Variants in RADIL observed in about 807,000 individuals in gnomAD.
The protein encoded by RADIL is Rap associating with DIL domain, also known as ras-associating and dilute domain-containing protein.
RADIL carries 99 observed loss-of-function variants against 97.6 expected under a neutral mutation model. The observed-to-expected ratio is 1.01, with a 90% CI of 0.86 to 1.20. RADIL has a LOEUF of 1.20. Ranked by LOEUF, RADIL falls within the 50% of genes most tolerant of loss-of-function variation. The pLI is 0.00. For synonymous variants in RADIL, 803 were observed against 691.8 expected (o/e 1.16, Z -2.52); for missense variants, 1,765 against 1,498.9 (o/e 1.18, Z -2.93).
intron 11 of RADIL, among the ~76,000 whole-genome samples, 192 bp from the exon 12 acceptor site, chr7:4,802,187 C>G (rs1050955329): frequency 6.6e-6 from 1 of 152,168 alleles, no homozygotes; most frequent in African/African-American, 2.4e-5. Context: ...GCACAGCCTG[C>G]GCTGGGCCAG....
At position 4,837,554 on chromosome 7, in the gene RADIL, C is replaced by T. The variant is rs547518761; in HGVS notation, c.536-949G>A. Among the ~76,000 whole-genome samples the T allele has an allele frequency of 5.9e-5, 9 of 152,288 alleles. No homozygotes were observed. The East Asian group carries it at 1.2e-3, about 20-fold the overall frequency. The stretch of plus-strand genomic sequence containing the variant: ...CAAAGCAGGCACACACACAAACACA[C>T]GTGTGCATACACATGCCCACAAATA... On this transcript the variant is annotated intron_variant, in intron 2 of 14. Transcript: ENST00000399583. The surrounding 1 kb of genome is among the most constrained non-coding windows in gnomAD (Gnocchi z 5.6).
intron 2 of RADIL, among the ~76,000 whole-genome samples, chr7:4,852,226 T>C (rs1783726418): frequency 6.6e-6 from 1 of 152,026 alleles, no homozygotes; most frequent in Admixed American, 6.6e-5. Context: ...AGACAGGAAG[T>C]GGCTGATAGA....
chr7:4,803,402 G>A (rs1782181488), intron 11 of RADIL, 144 bp downstream of exon 11: 3 of 669,204 alleles, frequency 4.5e-6, no homozygotes, highest in Non-Finnish European at 6.8e-6. Context: ...GCACCTCGGG[G>A]CACACTGGCT....
intron 2 of RADIL, among the ~76,000 whole-genome samples, chr7:4,855,620 TAAAAAAAA>T (rs760588803): frequency 0.037 from 3,289 of 88,154 alleles, 143 homozygotes; most frequent in African/African-American, 0.11. Context: ...TTTATTTTTG[TAAAAAAAA>T]AAAAAAAAAA....
In RADIL at chr7:4,880,619, C is replaced by T. The variant is rs918991660; in HGVS notation, c.-64-2416G>A. ...CAGGCAGCACACACTGGCAGAGGGT[C>T]GGCCACCACCTTTTCATAGTGCTCA... is the stretch of plus-strand genomic sequence containing the variant. On this transcript the variant is annotated intron_variant, in intron 1 of 14. Coordinates refer to ENST00000399583, the MANE Select transcript of RADIL (RefSeq NM_018059.5). This position sits in a 1 kb window ranked among gnomAD's most constrained non-coding sequence, Gnocchi z 4.5. Among the ~76,000 whole-genome samples the T allele has an allele frequency of 3.3e-5, 5 of 152,206 alleles. No homozygotes were observed. The highest frequency in any genetic ancestry group is 4.1e-4 in the South Asian group (2 of 4,836).
In RADIL at chr7:4,860,352, T is replaced by C. The variant is rs17857123; in HGVS notation, c.535+17253A>G. 25 of 1,613,878 alleles carry C rather than the reference T, an allele frequency of 1.5e-5. No individual in the cohort carries two copies. In the South Asian group the frequency reaches 2.5e-4, roughly 16 times the overall value. On this transcript the variant is annotated intron_variant, in intron 2 of 14. Transcript: ENST00000399583. ...TGAAGTTCCTTTCTTCTTAAATGCA[T>C]TGCAGTAATTTTCATACCCATCTCA...
intron 2 of RADIL, among the ~76,000 whole-genome samples, chr7:4,856,936 G>C (rs970614359): frequency 6.6e-6 from 1 of 152,216 alleles, no homozygotes; most frequent in African/African-American, 2.4e-5. Flanking sequence ...CTGTGACAGA[G>C]ACCGGATGGC....
In RADIL at chr7:4,842,667, C is replaced by G. The variant is rs998521165; in HGVS notation, c.536-6062G>C. 1.3e-5 allele frequency among the ~76,000 whole-genome samples: 2 copies of G among 152,172 alleles called. No individual in the cohort carries two copies. The highest frequency in any genetic ancestry group is 2.9e-5 in the Non-Finnish European group (2 of 68,030). Reference sequence around the variant, plus strand: ...CAGCCGGCAGCTTTCGCCTCCTGATCCTGTTTTCTCTTCCCTCCCTGGCTC... The same window carrying G: ...CAGCCGGCAGCTTTCGCCTCCTGATGCTGTTTTCTCTTCCCTCCCTGGCTC... On this transcript the variant is annotated intron_variant, in intron 2 of 14. Coordinates refer to ENST00000399583, the MANE Select transcript of RADIL (RefSeq NM_018059.5). The surrounding 1 kb of genome is among the most constrained non-coding windows in gnomAD (Gnocchi z 4.5).
At chr7:4,831,213 A>G (rs903721612) in intron 5 of RADIL, among the ~76,000 whole-genome samples, 1 of 151,500 alleles carries the variant, frequency 6.6e-6, no homozygotes, top group Non-Finnish European at 1.5e-5. Context: ...AAAAAAAAAA[A>G]GCACGAGATC....
At chr7:4,831,769 T>C (rs1562441488) in intron 5 of RADIL, among the ~76,000 whole-genome samples, 1 of 150,794 alleles carries the variant, frequency 6.6e-6, no homozygotes, top group Non-Finnish European at 1.5e-5. Context: ...ACACCTGCAG[T>C]CCCAGCTACT....
intron 2 of RADIL, among the ~76,000 whole-genome samples, chr7:4,856,541 C>G (rs562578071): frequency 6.6e-6 from 1 of 152,302 alleles, no homozygotes; most frequent in East Asian, 1.9e-4. Context: ...TTACTTTTCA[C>G]GGTTCATTAT....
intron 2 of RADIL, among the ~76,000 whole-genome samples, chr7:4,857,286 CTTCTT>C (rs1414167575): frequency 2.0e-5 from 3 of 152,128 alleles, no homozygotes; most frequent in African/African-American, 7.2e-5. Flanking sequence ...ATTATCCCAG[CTTCTT>C]TTCATTAGCG....
intron 13 of RADIL, 42 bp downstream of exon 13, chr7:4,800,129 G>A (rs777732829): frequency 6.3e-7 from 1 of 1,576,462 alleles, no homozygotes; most frequent in South Asian, 1.2e-5. Flanking sequence ...GCGGGGCCAG[G>A]CAGCCAGTAT....
In RADIL at chr7:4,799,108, GA is replaced by G; in HGVS notation, c.*269del. 2.2e-6 allele frequency: 1 copy of G among 449,100 alleles called. No individual in the cohort carries two copies. Among genetic ancestry groups the G allele is most frequent in the Non-Finnish European group, 4.1e-6 (1 of 244,334 alleles). 27.8% of individuals were successfully genotyped at this position (449,100 alleles called of 1,614,324 possible). A position where few individuals can be genotyped will look rare whatever the true frequency, so the allele number is the denominator to read the frequency against. ...GAGACCCCAGCAGGGCACCCTCTAA[GA>G]ACGGGAAAAATAGTTTATTGAACCG... On this transcript the variant is annotated 3_prime_UTR_variant, in exon 15 of 15. Coordinates refer to ENST00000399583, the MANE Select transcript of RADIL (RefSeq NM_018059.5).
At position 4,822,430 on chromosome 7, in the gene RADIL, A is replaced by G; in HGVS notation, c.1579T>C (p.Tyr527His). 6.2e-7 allele frequency: 1 copy of G among 1,612,870 alleles called. No homozygotes were observed. Among genetic ancestry groups the G allele is most frequent in the Admixed American group, 1.7e-5 (1 of 59,998 alleles). Residue 527 changes from tyrosine (Y) to histidine (H), a missense_variant, in exon 6 of 15, where the codon TAC becomes CAC. Coordinates refer to ENST00000399583, the MANE Select transcript of RADIL (RefSeq NM_018059.5). The surrounding 1 kb of genome is among the most constrained non-coding windows in gnomAD (Gnocchi z 5.3). ...AGCTGCTCCTCCATGCTCTGCATGT[A>G]GAGTGGGCATTTCTGCTGGATAAAG... is the stretch of plus-strand genomic sequence containing the variant. Reference protein sequence around the residue: ...LYFIQQKCPLYMQSMEEQLDI... With the variant: ...LYFIQQKCPLHMQSMEEQLDI...
In RADIL at chr7:4,835,923, G is replaced by A. The variant is rs1486383972; in HGVS notation, c.783+435C>T. On this transcript the variant is annotated intron_variant, in intron 3 of 14. Coordinates refer to ENST00000399583, the MANE Select transcript of RADIL (RefSeq NM_018059.5). The surrounding 1 kb of genome is among the most constrained non-coding windows in gnomAD (Gnocchi z 5.8). Reference sequence around the variant, plus strand: ...AAACGGCTCTGGGCAGATAGGGGTGGCATGGGCCTTTGCTCGGTGCCCCTT... The same window carrying A: ...AAACGGCTCTGGGCAGATAGGGGTGACATGGGCCTTTGCTCGGTGCCCCTT... 6.6e-6 allele frequency among the ~76,000 whole-genome samples: 1 copy of A among 150,506 alleles called. No homozygotes were observed. The highest frequency in any genetic ancestry group is 2.4e-5 in the African/African-American group (1 of 41,336).
intron 4 of RADIL, 94 bp from the exon 5 acceptor site, chr7:4,832,272 C>T (rs1783165808): frequency 1.6e-6 from 2 of 1,247,486 alleles, no homozygotes; most frequent in African/African-American, 1.5e-5. Context: ...GGAAAACAAG[C>T]CATGCTGCCC....
intron 2 of RADIL, among the ~76,000 whole-genome samples, chr7:4,846,382 T>C (rs1783573887): frequency 6.6e-6 from 1 of 151,946 alleles, no homozygotes. Context: ...CCTGACCTCG[T>C]GAGCCACCCG....
At chr7:4,809,444 GACACGC>G in intron 9 of RADIL, 1 of 985,434 alleles carries the variant, frequency 1.0e-6, no homozygotes, top group South Asian at 4.7e-5. Flanking sequence ...CCACACATCT[GACACGC>G]ACAAGCCAAC....
Sources: allele counts gnomAD v4.1 joint callset (sites outside exome capture counted in the v4.1 genomes callset), GRCh38; gene constraint gnomAD v4.1.1; non-coding constraint Gnocchi (gnomAD v3.1); transcripts MANE v1.5; gene names NCBI Gene and HGNC (gene_info 2026-07-23, HGNC 2026-07-21).